Variants in DLG2 observed in about 807,000 individuals in gnomAD.
DLG2 encodes the protein disks large homolog 2.
Under a neutral mutation model 132.5 loss-of-function variants are expected in DLG2, and 45 were observed. The ratio of observed to expected loss-of-function variants is 0.34; its 90% CI spans 0.27 to 0.44. The LOEUF (loss-of-function observed/expected upper bound fraction) is 0.44. Ranked by LOEUF, DLG2 falls within the 20% of genes least tolerant of loss-of-function variation. DLG2 has a pLI of 1.00. For synonymous variants in DLG2, 424 were observed against 419.6 expected (o/e 1.01, Z -0.13); for missense variants, 1,045 against 1,196.9 (o/e 0.87, Z 1.87).
At chr11:83,932,759 T>C (rs2080581261) in intron 14 of DLG2, among the ~76,000 whole-genome samples, 1 of 152,088 alleles carries the variant, frequency 6.6e-6, no homozygotes, top group Non-Finnish European at 1.5e-5. Flanking sequence ...AACCTTCTGG[T>C]TCTTTCAAGG....
intron 8 of DLG2, among the ~76,000 whole-genome samples, chr11:84,207,175 G>T (rs116295410): frequency 6.6e-6 from 1 of 151,162 alleles, no homozygotes; most frequent in South Asian, 2.1e-4. Flanking sequence ...AATATACCAC[G>T]CTTATGGGCT....
intron 19 of DLG2, among the ~76,000 whole-genome samples, chr11:83,586,755 TA>T (rs2097093348): frequency 6.6e-6 from 1 of 152,194 alleles, no homozygotes; most frequent in African/African-American, 2.4e-5. Flanking sequence ...CCAGCTTGCG[TA>T]AGTTTTCACA....
chr11:83,564,885 G>A (rs111438805), intron 19 of DLG2, among the ~76,000 whole-genome samples: 1,524 of 152,196 alleles, frequency 0.01, 21 homozygotes, highest in African/African-American at 0.035. Flanking sequence ...ATCAAGGAAG[G>A]GGATTTGCAA....
intron 4 of DLG2, among the ~76,000 whole-genome samples, chr11:85,195,860 T>C (rs1454652314): frequency 1.3e-5 from 2 of 152,120 alleles, no homozygotes; most frequent in Non-Finnish European, 2.9e-5. Context: ...TCACTGGAAA[T>C]AGGGACTTAA....
intron 6 of DLG2, among the ~76,000 whole-genome samples, chr11:85,076,054 C>G (rs1482105288): frequency 2.0e-5 from 3 of 151,916 alleles, no homozygotes; most frequent in African/African-American, 7.2e-5. Flanking sequence ...AATTTATTTA[C>G]TCACACATTA....
At chr11:84,518,786 T>C (rs1328479875) in intron 7 of DLG2, among the ~76,000 whole-genome samples, 1 of 152,148 alleles carries the variant, frequency 6.6e-6, no homozygotes, top group Non-Finnish European at 1.5e-5. Flanking sequence ...AGCTAAGGCG[T>C]GCAACAATAT....
At chr11:84,326,731 C>T (rs992292710) in intron 7 of DLG2, among the ~76,000 whole-genome samples, 1 of 152,092 alleles carries the variant, frequency 6.6e-6, no homozygotes, top group Non-Finnish European at 1.5e-5. Context: ...ATGTTAGGTC[C>T]TTTTCATCTA....
At chr11:85,547,045 T>TA (rs746468221) in intron 3 of DLG2, among the ~76,000 whole-genome samples, 86 of 152,120 alleles carry the variant, frequency 5.7e-4, no homozygotes, top group Non-Finnish European at 1.1e-3. Flanking sequence ...ATCCCTCCAT[T>TA]ATGATGCCAG....
At chr11:84,227,128 A>G (rs1597881628) in intron 8 of DLG2, among the ~76,000 whole-genome samples, 1 of 151,988 alleles carries the variant, frequency 6.6e-6, no homozygotes, top group Non-Finnish European at 1.5e-5. Flanking sequence ...TTAAAAAAGT[A>G]CCTCAGAACA....
At chr11:83,881,736 T>G (rs1005502276) in intron 15 of DLG2, among the ~76,000 whole-genome samples, 1 of 152,218 alleles carries the variant, frequency 6.6e-6, no homozygotes, top group African/African-American at 2.4e-5. Context: ...CCCATAAATT[T>G]CCATTCCTTT....
intron 3 of DLG2, among the ~76,000 whole-genome samples, chr11:85,293,511 T>C (rs2079038540): frequency 6.6e-6 from 1 of 152,166 alleles, no homozygotes; most frequent in African/African-American, 2.4e-5. Context: ...TCTGTAATAT[T>C]CCTGCCCAAA....
intron 6 of DLG2, among the ~76,000 whole-genome samples, chr11:84,932,355 C>T (rs909137355): frequency 2.0e-5 from 3 of 152,126 alleles, no homozygotes; most frequent in African/African-American, 7.2e-5. Flanking sequence ...CAGTTAGCAC[C>T]ATTATTTACT....
intron 7 of DLG2, among the ~76,000 whole-genome samples, chr11:84,408,637 C>T (rs547941226): frequency 6.6e-5 from 10 of 152,258 alleles, no homozygotes; most frequent in African/African-American, 2.4e-4. Context: ...GCAGAAGTGA[C>T]TTCTTCCTAC....
chr11:85,465,526 A>T (rs531584626), intron 3 of DLG2, among the ~76,000 whole-genome samples: 1 of 151,948 alleles, frequency 6.6e-6, no homozygotes, highest in African/African-American at 2.4e-5. Context: ...TCATTGTTCA[A>T]TTCCCACCTA....
chr11:84,628,937 C>G (rs527389286), intron 6 of DLG2, among the ~76,000 whole-genome samples: 1 of 152,222 alleles, frequency 6.6e-6, no homozygotes, highest in East Asian at 1.9e-4. Flanking sequence ...AAAAAGAGAA[C>G]AGATGACCAG....
At chr11:84,372,041 G>A (rs1030778276) in intron 7 of DLG2, among the ~76,000 whole-genome samples, 4 of 152,120 alleles carry the variant, frequency 2.6e-5, no homozygotes, top group South Asian at 2.1e-4. Context: ...GATTTTAAGC[G>A]GTAATTTGTG....
intron 3 of DLG2, among the ~76,000 whole-genome samples, chr11:85,353,667 G>C (rs1308464831): frequency 6.6e-6 from 1 of 152,164 alleles, no homozygotes; most frequent in East Asian, 1.9e-4. Context: ...TATAAAGAAG[G>C]ATGAGTTCAT....
At chr11:84,033,256 T>C (rs770201770) in intron 11 of DLG2, among the ~76,000 whole-genome samples, 13 of 152,308 alleles carry the variant, frequency 8.5e-5, no homozygotes, top group East Asian at 1.9e-4. Context: ...GGAAGATTCA[T>C]GATTCATGGG....
chr11:84,692,864 G>T (rs1343946507), intron 6 of DLG2, among the ~76,000 whole-genome samples: 1 of 151,636 alleles, frequency 6.6e-6, no homozygotes, highest in Non-Finnish European at 1.5e-5. Context: ...CTTATCATTT[G>T]CCAGGTACTA....
Sources: allele counts gnomAD v4.1 joint callset (sites outside exome capture counted in the v4.1 genomes callset), GRCh38; gene constraint gnomAD v4.1.1; transcripts MANE v1.5; gene names NCBI Gene and HGNC (gene_info 2026-07-23, HGNC 2026-07-21).